OR2L13: variants seen among roughly 807,000 people sequenced by gnomAD.
OR2L13 encodes the protein olfactory receptor family 2 subfamily L member 13.
Under a neutral mutation model 15.3 loss-of-function variants are expected in OR2L13, and 14 were observed. The ratio of observed to expected loss-of-function variants is 0.91; its 90% confidence interval spans 0.60 to 1.43. OR2L13 has a LOEUF of 1.43. OR2L13 is among the 40% of genes most tolerant of loss of function. OR2L13 has a pLI of 0.00. For synonymous variants in OR2L13, 152 were observed against 142.9 expected, an observed-to-expected ratio of 1.06 and a Z score of -0.45; for missense variants, 367 against 387.9, an observed-to-expected ratio of 0.95 and a Z score of 0.45.
chr1:248,100,143 C>A lies in OR2L13; in HGVS notation c.768C>A (p.Tyr256Ter). The stretch of plus-strand genomic sequence containing the variant: ...TCTTTTACTATGCACCTTTTGTCTA[C>A]ACCTATCTTCGGCCCAGGAATCTCC... The change falls in exon 3 of 3, where the codon TAC becomes TAA. Residue 256 changes from tyrosine (Y) to a stop codon, truncating the protein, a stop_gained. Coordinates refer to ENST00000641714, the Ensembl canonical transcript of OR2L13. LOFTEE classifies it high-confidence loss of function. The A allele has an allele frequency of 1.2e-6, 2 of 1,614,148 alleles. No homozygotes were observed. The highest frequency in any genetic ancestry group is 1.7e-6 in the Non-Finnish European group (2 of 1,180,024).
chr1:248,023,655 C>T, the OR2L13 span: 2 of 152,166 alleles, frequency 1.3e-5, no homozygotes, highest in African/African-American at 2.4e-5. Context: ...GGGATCAACT[C>T]CTCTGCTCCA....
At chr1:248,099,590 A>G in exon 3 of OR2L13, 1 of 1,613,984 alleles carries the variant, frequency 6.2e-7, no homozygotes, top group African/African-American at 1.3e-5. Context: ...GACCTGATGT[A>G]CATCTCCACC....
chr1:248,089,541 G>A, the OR2L13 span, among the ~76,000 whole-genome samples: 1 of 152,088 alleles, frequency 6.6e-6, no homozygotes, highest in Non-Finnish European at 1.5e-5. Context: ...GAAATTCCAG[G>A]CACCTAGCTA....
chr1:248,060,916 A>C, the OR2L13 span: 1 of 1,613,766 alleles, frequency 6.2e-7, no homozygotes, highest in Admixed American at 1.7e-5. Flanking sequence ...CATTGTTCCT[A>C]AGATGGCATC....
chr1:247,994,579 CAG>C, the OR2L13 span, among the ~76,000 whole-genome samples: 1 of 151,964 alleles, frequency 6.6e-6, no homozygotes, highest in Admixed American at 6.6e-5. Context: ...TAGATAGAAA[CAG>C]AGAGTAAAAT....
chr1:247,976,828 T>C, the OR2L13 span, among the ~76,000 whole-genome samples: 1 of 152,332 alleles, frequency 6.6e-6, no homozygotes, highest in South Asian at 2.1e-4. Context: ...AATGCAGTTT[T>C]CTGAACAAGT....
chr1:248,048,174 T>C, the OR2L13 span, among the ~76,000 whole-genome samples: 8 of 152,160 alleles, frequency 5.3e-5, no homozygotes, highest in South Asian at 2.1e-4. Flanking sequence ...CTGTGAGAGC[T>C]GATGCACCAT....
chr1:247,944,717 A>T, the OR2L13 span, among the ~76,000 whole-genome samples: 5 of 152,072 alleles, frequency 3.3e-5, no homozygotes, highest in Non-Finnish European at 7.4e-5. Flanking sequence ...ATTAATGGGC[A>T]TTTGGGTTGA....
At chr1:247,995,035 G>A in the OR2L13 span, among the ~76,000 whole-genome samples, 1 of 152,090 alleles carries the variant, frequency 6.6e-6, no homozygotes, top group Non-Finnish European at 1.5e-5. Context: ...GGAACTTTAT[G>A]TTCTCTTCAT....
At chr1:248,074,974 C>G in the OR2L13 span, among the ~76,000 whole-genome samples, 1 of 152,098 alleles carries the variant, frequency 6.6e-6, no homozygotes, top group African/African-American at 2.4e-5. Context: ...CTGCACCCAT[C>G]AACTCATCAT....
At chr1:248,065,540 C>T in the OR2L13 span, among the ~76,000 whole-genome samples, 60 of 150,758 alleles carry the variant, frequency 4.0e-4, no homozygotes, top group Admixed American at 2.7e-3. Flanking sequence ...CCCACTAACT[C>T]GTCATCTAGC....
the OR2L13 span, chr1:248,013,848 T>C: frequency 6.6e-6 from 1 of 152,178 alleles, no homozygotes; most frequent in African/African-American, 2.4e-5. Flanking sequence ...GTTTGAGCAC[T>C]AGTAATTGTA....
At chr1:247,964,663 T>G in the OR2L13 span, among the ~76,000 whole-genome samples, 1 of 151,922 alleles carries the variant, frequency 6.6e-6, no homozygotes, top group African/African-American at 2.4e-5. Flanking sequence ...TCATTCTACT[T>G]TGGGACATTT....
chr1:247,954,897 A>C, the OR2L13 span, among the ~76,000 whole-genome samples: 4 of 152,084 alleles, frequency 2.6e-5, no homozygotes, highest in East Asian at 3.8e-4. Context: ...TATTTCTGAC[A>C]GTATGTTGCA....
chr1:247,945,297 T>C, the OR2L13 span, among the ~76,000 whole-genome samples: 1 of 152,326 alleles, frequency 6.6e-6, no homozygotes, highest in East Asian at 1.9e-4. Context: ...GTTGTTCAAT[T>C]TCCATGTAGT....
the OR2L13 span, among the ~76,000 whole-genome samples, chr1:247,940,090 G>C: frequency 6.6e-6 from 1 of 151,994 alleles, no homozygotes. Context: ...GGTTTGTTTT[G>C]ACACTTTAGT....
the OR2L13 span, among the ~76,000 whole-genome samples, chr1:247,996,826 A>G: frequency 2.6e-5 from 4 of 152,180 alleles, no homozygotes; most frequent in East Asian, 5.8e-4. Context: ...ACCTACTATT[A>G]TGTTAATAGC....
At chr1:248,028,651 T>C in the OR2L13 span, among the ~76,000 whole-genome samples, 1 of 152,200 alleles carries the variant, frequency 6.6e-6, no homozygotes, top group East Asian at 1.9e-4. Context: ...TCGTTTCTAC[T>C]GCAGAAGTGT....
At chr1:248,003,108 C>A in the OR2L13 span, 1 of 1,137,726 alleles carries the variant, frequency 8.8e-7, no homozygotes, top group South Asian at 1.3e-5. Flanking sequence ...GTCTCCCTTC[C>A]GGATGGATTG....
Sources: allele counts gnomAD v4.1 joint callset (sites outside exome capture counted in the v4.1 genomes callset), GRCh38; gene constraint gnomAD v4.1.1; transcripts MANE v1.5; gene names NCBI Gene and HGNC (gene_info 2026-07-23, HGNC 2026-07-21).